Variants in GRIK4 observed in about 807,000 individuals in gnomAD.
GRIK4 encodes the protein glutamate receptor ionotropic, kainate 4.
In GRIK4, 40 loss-of-function variants were observed where a neutral mutation model predicts 104.9. That is an observed-to-expected ratio of 0.38 (90% CI 0.30 to 0.50). GRIK4 has a LOEUF of 0.50. Among genes scored for constraint, GRIK4 ranks in the 20% least tolerant of loss-of-function variants. The pLI is 0.93. For synonymous variants in GRIK4, 485 were observed against 524.9 expected (o/e 0.92, Z 1.04); for missense variants, 1,047 against 1,308.1 (o/e 0.80, Z 3.08).
At chr11:120,853,176 C>T (rs983612904) in intron 8 of GRIK4, among the ~76,000 whole-genome samples, 2 of 152,128 alleles carry the variant, frequency 1.3e-5, no homozygotes, top group Non-Finnish European at 2.9e-5. Context: ...TGAGTGGCCG[C>T]TTCTTCCAGG....
rs923725151 is a variant in GRIK4 at position 120,829,336 on chromosome 11, A to T, written c.512-2516A>T. ...CATCTCTGAGGAAGAGGCGGTAAAT[A>T]CTCTCTCCACTTTACATATAGGACA... On this transcript the variant is annotated intron_variant, in intron 6 of 20. Coordinates refer to ENST00000527524, the MANE Select transcript of GRIK4 (RefSeq NM_014619.5). 2.6e-5 allele frequency among the ~76,000 whole-genome samples: 4 copies of T among 151,758 alleles called. No homozygotes were observed. The South Asian group carries it at 8.4e-4, about 32-fold the overall frequency.
At chr11:120,924,971 G>A (rs1365773856) in intron 13 of GRIK4, among the ~76,000 whole-genome samples, 2 of 152,184 alleles carry the variant, frequency 1.3e-5, no homozygotes, top group East Asian at 3.8e-4. Context: ...AAATGAGAAG[G>A]GGCCAGATGC....
chr11:120,580,042 A>T (rs889226963), intron 1 of GRIK4, among the ~76,000 whole-genome samples: 1 of 152,180 alleles, frequency 6.6e-6, no homozygotes, highest in Non-Finnish European at 1.5e-5. Context: ...ATGTTGCTGC[A>T]TATGTGAGTA....
chr11:120,800,011 CT>C (rs527634022), intron 3 of GRIK4, among the ~76,000 whole-genome samples: 18,732 of 139,240 alleles, frequency 0.13, 3,649 homozygotes, highest in African/African-American at 0.44. Flanking sequence ...CCATGCCTGG[CT>C]TTTTTTTTTT....
chr11:120,836,975 G>T, intron 8 of GRIK4, 131 bp downstream of exon 8: 2 of 625,770 alleles, frequency 3.2e-6, no homozygotes, highest in South Asian at 2.0e-5. Flanking sequence ...AAGCCAACCA[G>T]AGAGGCAGGG....
chr11:120,977,322 A>T (rs866157428), intron 19 of GRIK4, among the ~76,000 whole-genome samples: 1 of 152,100 alleles, frequency 6.6e-6, no homozygotes, highest in African/African-American at 2.4e-5. Context: ...ACATGACTAG[A>T]TGTCTTCCCA....
chr11:120,609,357 A>G (rs943970787), intron 1 of GRIK4, among the ~76,000 whole-genome samples: 1 of 150,246 alleles, frequency 6.7e-6, no homozygotes, highest in Non-Finnish European at 1.5e-5. Flanking sequence ...GGCTCCTCTG[A>G]TCTTCCTGCC....
intron 11 of GRIK4, among the ~76,000 whole-genome samples, chr11:120,892,328 A>G (rs1955327890): frequency 6.6e-6 from 1 of 152,204 alleles, no homozygotes; most frequent in Non-Finnish European, 1.5e-5. Flanking sequence ...TTAAGCCAAC[A>G]TGGGAAAGAA....
chr11:120,699,909 T>G (rs1040919345), intron 3 of GRIK4, among the ~76,000 whole-genome samples: 11 of 152,186 alleles, frequency 7.2e-5, no homozygotes, highest in Non-Finnish European at 1.0e-4. Flanking sequence ...TAGTCAGAGA[T>G]GTAGGTGTGA....
chr11:120,539,087 G>A (rs1027080736), intron 1 of GRIK4, among the ~76,000 whole-genome samples: 1 of 152,214 alleles, frequency 6.6e-6, no homozygotes, highest in Non-Finnish European at 1.5e-5. Context: ...GCAGCTGGGG[G>A]GAACTCTCTA....
At chr11:120,749,746 A>C (rs183997218) in intron 3 of GRIK4, among the ~76,000 whole-genome samples, 60 of 152,328 alleles carry the variant, frequency 3.9e-4, no homozygotes, top group African/African-American at 1.2e-3. Flanking sequence ...GGGGCCCCAC[A>C]GCACAACCTT....
chr11:120,930,552 C>A (rs1354271570), intron 13 of GRIK4, among the ~76,000 whole-genome samples: 1 of 152,158 alleles, frequency 6.6e-6, no homozygotes, highest in Non-Finnish European at 1.5e-5. Context: ...TGAGTCCAGG[C>A]ATCCTGTACT....
chr11:120,727,402 T>A (rs1171119589), intron 3 of GRIK4, among the ~76,000 whole-genome samples: 1 of 152,170 alleles, frequency 6.6e-6, no homozygotes, highest in Non-Finnish European at 1.5e-5. Flanking sequence ...GAAATTTTTT[T>A]AAACGCTATA....
chr11:120,862,015 A>AT lies in GRIK4; in HGVS notation c.805dup (p.Ser269PhefsTer26). ...TGGATGATCGTGTCAACATCCTGGG[A>AT]TTTTCCATTTTCAACCAATCCCATG... On this transcript the variant is annotated frameshift_variant, in exon 9 of 21. Coordinates refer to ENST00000527524, the MANE Select transcript of GRIK4 (RefSeq NM_014619.5). LOFTEE classifies it high-confidence loss of function. 1 of 1,613,810 alleles carries AT rather than the reference A, an allele frequency of 6.2e-7. No homozygotes were observed. Among genetic ancestry groups the AT allele is most frequent in the Non-Finnish European group, 8.5e-7 (1 of 1,179,784 alleles).
intron 8 of GRIK4, among the ~76,000 whole-genome samples, chr11:120,851,618 T>C (rs1258780349): frequency 6.6e-6 from 1 of 152,166 alleles, no homozygotes; most frequent in Non-Finnish European, 1.5e-5. Flanking sequence ...CATGTTTTTG[T>C]TGAATGAATG....
At chr11:120,910,663 A>G (rs1231891926) in intron 13 of GRIK4, among the ~76,000 whole-genome samples, 2 of 152,226 alleles carry the variant, frequency 1.3e-5, no homozygotes, top group African/African-American at 2.4e-5. Context: ...GTACATTTAC[A>G]TGGATGTATA....
intron 1 of GRIK4, among the ~76,000 whole-genome samples, chr11:120,623,626 C>T (rs1211545167): frequency 6.6e-6 from 1 of 152,240 alleles, no homozygotes; most frequent in African/African-American, 2.4e-5. Context: ...ACACTGATTA[C>T]AATCTACTAA....
rs1944787463 is a variant in GRIK4 at position 120,988,152 on chromosome 11, C to T, written c.*1892C>T. On this transcript the variant is annotated 3_prime_UTR_variant, in exon 21 of 21. Coordinates refer to ENST00000527524, the MANE Select transcript of GRIK4 (RefSeq NM_014619.5). ...TCCTGTGAGGGATACTCGTTTTGTC[C>T]TCACCTGACCTCACTCATGAATTTG... 6.6e-6 allele frequency: 1 copy of T among 152,208 alleles called. No individual in the cohort carries two copies. Among genetic ancestry groups the T allele is most frequent in the South Asian group, 2.1e-4 (1 of 4,830 alleles). The allele number at this position is 152,208 out of a possible 1,614,324, so 9.4% of individuals were successfully genotyped here.
chr11:120,678,621 T>G (rs1231996320), intron 3 of GRIK4, among the ~76,000 whole-genome samples: 6 of 40,622 alleles, frequency 1.5e-4, no homozygotes, highest in Admixed American at 7.6e-4. Context: ...ACTAGAAGGG[T>G]TTTTTTTTTT....
Sources: gnomAD v4.1 joint callset for allele counts (sites outside exome capture counted in the v4.1 genomes callset) on GRCh38, gnomAD v4.1.1 for gene constraint, MANE v1.5 for transcripts, NCBI Gene and HGNC (gene_info 2026-07-23, HGNC 2026-07-21) for gene names.